RNF169: variants seen among roughly 807,000 people sequenced by gnomAD.
RNF169 encodes the protein ring finger protein 169, also known as E3 ubiquitin-protein ligase RNF169.
In RNF169, 24 loss-of-function variants were observed where a neutral mutation model predicts 53.9. The observed-to-expected ratio is 0.45, with a 90% confidence interval of 0.32 to 0.63. The LOEUF is 0.63. Ranked by LOEUF, RNF169 falls within the 20% of genes least tolerant of loss-of-function variation. The probability of loss-of-function intolerance (pLI) is 0.04; values close to 1 mark genes in which losing one functional copy is unlikely to be tolerated. For missense variants in RNF169, 883 were observed against 906.2 expected (o/e 0.97, Z 0.33); for synonymous variants, 396 against 363.5 (o/e 1.09, Z -1.02).
chr11:74,795,863 A>T (rs372665155), intron 2 of RNF169, among the ~76,000 whole-genome samples: 4 of 152,190 alleles, frequency 2.6e-5, no homozygotes, highest in African/African-American at 9.7e-5. Context: ...GTCTCAAAAA[A>T]AATAAAAAAT....
chr11:74,835,963 T>G lies in RNF169; in HGVS notation c.1360T>G (p.Ser454Ala), dbSNP rs746047345. 2.2e-5 allele frequency: 35 copies of G among 1,614,036 alleles called. No homozygotes were observed. Among genetic ancestry groups the G allele is most frequent in the Non-Finnish European group, 2.7e-5 (32 of 1,180,026 alleles). ...GACCCTTTCAAAAGCCACTCTTACC[T>G]CTCTGGCTCCTGAAATGGGGGAAGA... ...KKTLSKATLTSLAPEMGEELL... is the reference protein window; with the variant it reads ...KKTLSKATLTALAPEMGEELL... The change falls in exon 6 of 6, where the codon TCT (serine) becomes GCT (alanine). Residue 454 changes from serine (S) to alanine (A), a missense_variant. This residue lies in a region of RNF169 where 351 missense variants were observed against 337.3 expected (regional missense o/e 1.04). Transcript: ENST00000299563.
rs2036293101 is a variant in RNF169, at chr11:74,838,623, G to A, written c.*1893G>A. 1 of 152,234 alleles carries A rather than the reference G, an allele frequency of 6.6e-6. No homozygotes were observed. The allele number at this position is 152,234 out of a possible 1,614,324, so 9.4% of individuals were successfully genotyped here. Reference sequence around the variant, plus strand: ...TGTATGCATTCTGTGTTCTCTGTGTGTGTGCACATATGCAGATGTATGTTT... The same window carrying A: ...TGTATGCATTCTGTGTTCTCTGTGTATGTGCACATATGCAGATGTATGTTT... On this transcript the variant is annotated 3_prime_UTR_variant, in exon 6 of 6. Coordinates refer to ENST00000299563, the MANE Select transcript of RNF169 (RefSeq NM_001098638.2).
intron 2 of RNF169, among the ~76,000 whole-genome samples, chr11:74,804,228 TGTCCA>T (rs1411345880): frequency 1.3e-5 from 2 of 152,134 alleles, no homozygotes; most frequent in Admixed American, 6.6e-5. Context: ...GATGGAATGG[TGTCCA>T]GTCAAGGGTT....
intron 1 of RNF169, among the ~76,000 whole-genome samples, chr11:74,758,965 T>G (rs2035032460): frequency 2.0e-5 from 3 of 150,424 alleles, no homozygotes; most frequent in African/African-American, 7.4e-5. Context: ...TCCATTTGTT[T>G]GTATCCTCTT....
intron 1 of RNF169, among the ~76,000 whole-genome samples, chr11:74,769,688 A>G (rs913871950): frequency 1.3e-5 from 2 of 152,242 alleles, no homozygotes; most frequent in Non-Finnish European, 1.5e-5. Flanking sequence ...AAAAGTTGCA[A>G]AAGAATATGT....
chr11:74,780,353 C>G (rs1286782078), intron 1 of RNF169, among the ~76,000 whole-genome samples: 1 of 152,190 alleles, frequency 6.6e-6, no homozygotes, highest in Non-Finnish European at 1.5e-5. Context: ...TCTCATCTAT[C>G]CAGCATTACT....
At chr11:74,834,409 A>G (rs1035565032) in intron 4 of RNF169, among the ~76,000 whole-genome samples, 14 of 152,222 alleles carry the variant, frequency 9.2e-5, no homozygotes, top group African/African-American at 3.4e-4. Context: ...AGCATGTTCA[A>G]AATAGCCACT....
At chr11:74,786,250 T>C (rs1375730671) in intron 1 of RNF169, among the ~76,000 whole-genome samples, 2 of 151,180 alleles carry the variant, frequency 1.3e-5, no homozygotes, top group African/African-American at 4.9e-5. Flanking sequence ...GTTTCTTTTT[T>C]TTTTTTTTTT....
Position 74,836,643 on chromosome 11 carries a change from C to A in RNF169, c.2040C>A (p.Phe680Leu). 5.6e-6 allele frequency: 9 copies of A among 1,613,926 alleles called. No individual in the cohort carries two copies. Among genetic ancestry groups the A allele is most frequent in the Non-Finnish European group, 7.6e-6 (9 of 1,180,030 alleles). ...RQLALQLQRM[F>L]DNERRTVSRR... ...TGGCTCTGCAGTTGCAGCGCATGTTCGACAATGAGAGGCGGACTGTGAGCC... is the reference window on the plus strand; with the variant it reads ...TGGCTCTGCAGTTGCAGCGCATGTTAGACAATGAGAGGCGGACTGTGAGCC... The change falls in exon 6 of 6, where the codon TTC (phenylalanine) becomes TTA (leucine). Residue 680 changes from phenylalanine (F) to leucine (L), a missense_variant. By Grantham distance (22) the Phe-to-Leu change is conservative. Coordinates refer to ENST00000299563, the MANE Select transcript of RNF169 (RefSeq NM_001098638.2).
At chr11:74,752,018 G>T (rs1273580355) in intron 1 of RNF169, among the ~76,000 whole-genome samples, 1 of 151,920 alleles carries the variant, frequency 6.6e-6, no homozygotes, top group Non-Finnish European at 1.5e-5. Flanking sequence ...CGGATCACAA[G>T]GTCAAGAGAT....
intron 1 of RNF169, among the ~76,000 whole-genome samples, chr11:74,759,510 T>C (rs1456209654): frequency 2.2e-5 from 3 of 139,050 alleles, no homozygotes; most frequent in African/African-American, 8.3e-5. Context: ...TTGAGAGTTT[T>C]TAGCATGAAG....
intron 1 of RNF169, among the ~76,000 whole-genome samples, chr11:74,770,059 T>A (rs913680282): frequency 6.6e-6 from 1 of 152,226 alleles, no homozygotes; most frequent in Admixed American, 6.5e-5. Context: ...CTCAAAGTGC[T>A]GGGATTACAG....
intron 4 of RNF169, among the ~76,000 whole-genome samples, chr11:74,827,511 G>A (rs1369990418): frequency 2.0e-5 from 3 of 152,084 alleles, no homozygotes; most frequent in Admixed American, 6.5e-5. Context: ...CTATTGCTCC[G>A]TCAGACTGGA....
Position 74,835,577 on chromosome 11 carries a change from T to C in RNF169, c.974T>C (p.Ile325Thr), listed in dbSNP as rs755904387. 2.5e-6 allele frequency: 4 copies of C among 1,613,992 alleles called. No individual in the cohort carries two copies. Among genetic ancestry groups the C allele is most frequent in the African/African-American group, 1.3e-5 (1 of 74,904 alleles). The change falls in exon 6 of 6, where the codon ATC becomes ACC. Residue 325 changes from isoleucine (I) to threonine (T), a missense_variant. This residue lies in a region of RNF169 where 219 missense variants were observed against 289.1 expected (regional missense o/e 0.76). Coordinates refer to ENST00000299563, the MANE Select transcript of RNF169 (RefSeq NM_001098638.2). ...VTTMTPASNP[I>T]IGVLLSTQNN... ...ACTATGACTCCAGCCTCCAACCCCA[T>C]CATTGGTGTCCTCTTGTCAACTCAA...
chr11:74,839,956 A>C lies in RNF169; in HGVS notation c.*3226A>C, dbSNP rs2036326355. 6.6e-6 allele frequency: 1 copy of C among 152,150 alleles called. No homozygotes were observed. Among genetic ancestry groups the C allele is most frequent in the Admixed American group, 6.5e-5 (1 of 15,280 alleles). 9.4% of individuals were successfully genotyped at this position (152,150 alleles called of 1,614,324 possible). A position where few individuals can be genotyped will look rare whatever the true frequency, so the allele number is the denominator to read the frequency against. ...TCACTTATTTTTTAAATTTTAATTT[A>C]ATTTTTAAATTTTTGCTTGGAAGCA... On this transcript the variant is annotated 3_prime_UTR_variant, in exon 6 of 6. Coordinates refer to ENST00000299563, the MANE Select transcript of RNF169 (RefSeq NM_001098638.2).
At position 74,749,214 on chromosome 11, in the gene RNF169, G is replaced by C; in HGVS notation, c.334G>C (p.Gly112Arg). Residue 112 changes from glycine (G) to arginine (R), a missense_variant, in exon 1 of 6, where the codon GGC (glycine) becomes CGC (arginine). Physicochemically the swap from Gly to Arg is moderately radical, Grantham distance 125. Around this residue, in one of 3 missense-constraint regions of RNF169, gnomAD observed 313 missense variants for 279.9 expected, o/e 1.12. Coordinates refer to ENST00000299563, the MANE Select transcript of RNF169 (RefSeq NM_001098638.2). ...GCPRCRARGP[G>R]WARRRARDDG... ...CCCTCGCTGCCGCGCCCGCGGCCCA[G>C]GCTGGGCCCGCCGTCGGGCCCGCGA... The C allele has an allele frequency of 2.7e-6, 3 of 1,093,400 alleles. No individual in the cohort carries two copies. The highest frequency in any genetic ancestry group is 3.4e-5 in the African/African-American group (2 of 59,620). The allele number at this position is 1,093,400 out of a possible 1,614,324, so 67.7% of individuals were successfully genotyped here.
intron 4 of RNF169, among the ~76,000 whole-genome samples, chr11:74,827,731 A>C (rs1195080665): frequency 6.6e-6 from 1 of 152,240 alleles, no homozygotes; most frequent in African/African-American, 2.4e-5. Flanking sequence ...GACAAAAACC[A>C]TATGATTATC....
intron 1 of RNF169, among the ~76,000 whole-genome samples, chr11:74,773,488 A>G (rs1306707901): frequency 6.6e-6 from 1 of 152,200 alleles, no homozygotes; most frequent in Non-Finnish European, 1.5e-5. Flanking sequence ...AAGGAGGGAG[A>G]AAGATGGTCA....
Position 74,749,088 on chromosome 11 carries a change from G to A in RNF169, c.208G>A (p.Gly70Arg). The A allele has an allele frequency of 6.9e-7, 1 of 1,445,594 alleles. No homozygotes were observed. Among genetic ancestry groups the A allele is most frequent in the Non-Finnish European group, 9.1e-7 (1 of 1,098,158 alleles). 89.5% of individuals were successfully genotyped at this position (1,445,594 alleles called of 1,614,324 possible). A position where few individuals can be genotyped will look rare whatever the true frequency, so the allele number is the denominator to read the frequency against. The change falls in exon 1 of 6, where the codon GGG becomes AGG. Residue 70 changes from glycine (G) to arginine (R), a missense_variant. Physicochemically the swap from Gly to Arg is moderately radical, Grantham distance 125 (BLOSUM62 -2). Transcript: ENST00000299563. The stretch of plus-strand genomic sequence containing the variant: ...GCGGCCGGAGGAATCGGGCTGCGCC[G>A]GGTGCCTGGAGCCCCCCGGAGAAGC... ...PPRPEESGCAGCLEPPGEAAA... is the reference protein window; with the variant it reads ...PPRPEESGCARCLEPPGEAAA...
Sources: allele counts gnomAD v4.1 joint callset (sites outside exome capture counted in the v4.1 genomes callset), GRCh38; gene constraint gnomAD v4.1.1; regional missense constraint gnomAD v4.1.1; transcripts MANE v1.5; gene names NCBI Gene and HGNC (gene_info 2026-07-23, HGNC 2026-07-21).